Variants in ZYG11B observed in about 807,000 individuals in gnomAD.
ZYG11B encodes zyg-11 family member B, cell cycle regulator.
ZYG11B carries 36 observed loss-of-function variants against 82.4 expected under a neutral mutation model. The observed-to-expected ratio is 0.44, with a 90% confidence interval of 0.33 to 0.58. ZYG11B has a LOEUF of 0.58. Among genes scored for constraint, ZYG11B ranks in the 20% least tolerant of loss-of-function variants. The pLI is 0.02. For synonymous variants in ZYG11B, 303 were observed against 312.8 expected, an observed-to-expected ratio of 0.97 and a Z score of 0.33; for missense variants, 552 against 895.6, an observed-to-expected ratio of 0.62 and a Z score of 4.90.
At chr1:52,783,883 T>TGTACATACACGTGTGTGTGC (rs1644884066) in intron 4 of ZYG11B, among the ~76,000 whole-genome samples, 1 of 119,150 alleles carries the variant, frequency 8.4e-6, no homozygotes, top group Non-Finnish European at 1.6e-5. Context: ...CGTGTGTGTA[T>TGTACATACACGTGTGTGTGC]ATGTACATAC....
chr1:52,788,973 A>G (rs187195839), intron 5 of ZYG11B, among the ~76,000 whole-genome samples: 57 of 152,308 alleles, frequency 3.7e-4, no homozygotes, highest in Non-Finnish European at 2.1e-4. Flanking sequence ...CCACTAATCA[A>G]TCTGCCAGAT....
chr1:52,780,028 A>G (rs1352279582), intron 4 of ZYG11B, 35 bp downstream of exon 4: 1 of 1,599,510 alleles, frequency 6.3e-7, no homozygotes, highest in Non-Finnish European at 8.5e-7. Context: ...AATTTTTGAA[A>G]TGATCTCCCT....
intron 10 of ZYG11B, among the ~76,000 whole-genome samples, chr1:52,812,710 G>GT (rs1558143667): frequency 2.9e-4 from 41 of 140,640 alleles, no homozygotes; most frequent in Admixed American, 2.1e-3. Flanking sequence ...TGGCTGTTTT[G>GT]GGTTTGTTTG....
intron 8 of ZYG11B, among the ~76,000 whole-genome samples, chr1:52,797,468 T>TAATATATGATATATAATATAATAA (rs1645034792): frequency 9.0e-6 from 1 of 110,562 alleles, no homozygotes; most frequent in Non-Finnish European, 1.7e-5. Context: ...ATGATATATA[T>TAATATATGATATATAATATAATAA]ATTATATATG....
rs781732048 is a variant in ZYG11B, at chr1:52,770,072, CTA to C, written c.197-928_197-927del. On this transcript the variant is annotated intron_variant, in intron 2 of 13. Transcript: ENST00000294353. ...GGAGTGTGGGGGGAAGCTGTAACTA[CTA>C]TATATATATATATATATATTTTTTT... 2.4e-3 allele frequency among the ~76,000 whole-genome samples: 266 copies of C among 113,036 alleles called. 3 individuals are homozygous for C. The highest frequency in any genetic ancestry group is 0.016 in the Middle Eastern group (3 of 192). The allele number at this position is 113,036 out of a possible 152,430, so 74.2% of individuals were successfully genotyped here.
intron 7 of ZYG11B, 142 bp from the exon 8 acceptor site, chr1:52,796,592 G>A: frequency 1.2e-6 from 1 of 844,370 alleles, no homozygotes; most frequent in Non-Finnish European, 1.8e-6. Flanking sequence ...GGCCGAGGCA[G>A]GCCTCCCAAA....
At chr1:52,765,749 T>C (rs1345796744) in intron 2 of ZYG11B, among the ~76,000 whole-genome samples, 2 of 152,046 alleles carry the variant, frequency 1.3e-5, no homozygotes, top group African/African-American at 2.4e-5. Context: ...GTAATCCTCT[T>C]GTCTCATCCT....
intron 2 of ZYG11B, among the ~76,000 whole-genome samples, chr1:52,767,773 C>T (rs1327672373): frequency 6.6e-6 from 1 of 152,202 alleles, no homozygotes; most frequent in East Asian, 1.9e-4. Flanking sequence ...CTTCTACTGA[C>T]ACCATGTTGG....
chr1:52,772,062 G>T, intron 3 of ZYG11B: 1 of 720,868 alleles, frequency 1.4e-6, no homozygotes, highest in Non-Finnish European at 2.4e-6. Context: ...GTAGGTCCTG[G>T]CTAAACAATA....
intron 8 of ZYG11B, among the ~76,000 whole-genome samples, chr1:52,801,123 AGGAAGGGGAAAAGGAAATAAAAAG>A (rs1476452113): frequency 1.3e-5 from 2 of 151,950 alleles, no homozygotes; most frequent in African/African-American, 2.4e-5. Flanking sequence ...TTTGAAAGGG[AGGAAGGGGAAAAGGAAATAAAAAG>A]GGAAGGGGAA....
At chr1:52,778,195 A>G (rs1644824944) in intron 3 of ZYG11B, among the ~76,000 whole-genome samples, 1 of 152,172 alleles carries the variant, frequency 6.6e-6, no homozygotes, top group Non-Finnish European at 1.5e-5. Flanking sequence ...TTTAGTTTAT[A>G]GGTTTCTCCT....
At chr1:52,747,346 C>T (rs973490290) in intron 1 of ZYG11B, among the ~76,000 whole-genome samples, 2 of 151,158 alleles carry the variant, frequency 1.3e-5, no homozygotes, top group Non-Finnish European at 2.9e-5. Flanking sequence ...TACTCTAATC[C>T]ATAGCATCAT....
chr1:52,767,047 TTTTA>T, intron 2 of ZYG11B, among the ~76,000 whole-genome samples: 1 of 149,514 alleles, frequency 6.7e-6, no homozygotes, highest in East Asian at 1.9e-4. Context: ...TTTTATGTTA[TTTTA>T]TTTTATGTTA....
At chr1:52,732,689 C>A (rs1157557585) in intron 1 of ZYG11B, among the ~76,000 whole-genome samples, 1 of 151,982 alleles carries the variant, frequency 6.6e-6, no homozygotes, top group African/African-American at 2.4e-5. Context: ...CGCTTGAACC[C>A]GGGAGGCAGA....
intron 12 of ZYG11B, 39 bp downstream of exon 12, chr1:52,813,951 G>A (rs540412557): frequency 1.1e-5 from 18 of 1,594,546 alleles, no homozygotes; most frequent in Admixed American, 8.4e-5. Context: ...CAGCAACCTA[G>A]TCTAGAGATC....
chr1:52,778,931 A>G (rs762116634), intron 3 of ZYG11B, among the ~76,000 whole-genome samples: 3 of 152,182 alleles, frequency 2.0e-5, no homozygotes, highest in African/African-American at 4.8e-5. Context: ...TGAGCCAAGC[A>G]TAACGCTAGC....
chr1:52,814,259 G>C (rs1645206262), intron 12 of ZYG11B, among the ~76,000 whole-genome samples: 1 of 152,164 alleles, frequency 6.6e-6, no homozygotes, highest in Non-Finnish European at 1.5e-5. Context: ...GACCTCAGGT[G>C]ATCTGCCTGC....
At chr1:52,794,701 C>A (rs187794298) in intron 6 of ZYG11B, among the ~76,000 whole-genome samples, 2 of 152,274 alleles carry the variant, frequency 1.3e-5, no homozygotes, top group African/African-American at 2.4e-5. Flanking sequence ...GATATTTGAT[C>A]TGAGTCTTAA....
intron 1 of ZYG11B, among the ~76,000 whole-genome samples, chr1:52,729,278 A>G (rs1052917706): frequency 2.0e-5 from 3 of 152,006 alleles, no homozygotes. Context: ...TCCTCATACC[A>G]TTACCTTGGG....
Sources: gnomAD v4.1 joint callset for allele counts (sites outside exome capture counted in the v4.1 genomes callset) on GRCh38, gnomAD v4.1.1 for gene constraint, MANE v1.5 for transcripts, NCBI Gene and HGNC (gene_info 2026-07-23, HGNC 2026-07-21) for gene names.